DNM3: variants seen among roughly 807,000 people sequenced by gnomAD.
DNM3 encodes the protein dynamin 3, also known as dynamin-3.
Under a neutral mutation model 101.6 loss-of-function variants are expected in DNM3, and 47 were observed. The observed-to-expected ratio is 0.46, with a 90% CI of 0.37 to 0.59. The LOEUF (loss-of-function observed/expected upper bound fraction) is 0.59, where lower values mean the gene tolerates loss of function less well. Among genes scored for constraint, DNM3 ranks in the 20% least tolerant of loss-of-function variants. DNM3 has a pLI of 0.00. For synonymous variants in DNM3, 385 were observed against 387.9 expected, an observed-to-expected ratio of 0.99 and a Z score of 0.09; for missense variants, 849 against 1,085.7, an observed-to-expected ratio of 0.78 and a Z score of 3.06.
chr1:172,192,429 G>T (rs1182482713), intron 14 of DNM3, among the ~76,000 whole-genome samples: 2 of 150,330 alleles, frequency 1.3e-5, no homozygotes, highest in Non-Finnish European at 3.0e-5. Flanking sequence ...ACATTGTGCA[G>T]GTTAGTTACA....
At chr1:172,349,748 A>G (rs1270649952) in intron 17 of DNM3, among the ~76,000 whole-genome samples, 1 of 152,166 alleles carries the variant, frequency 6.6e-6, no homozygotes, top group East Asian at 1.9e-4. Context: ...CTAAGCTTCT[A>G]AAGAATCCAC....
intron 10 of DNM3, among the ~76,000 whole-genome samples, chr1:172,053,284 C>A (rs1324917114): frequency 2.6e-5 from 4 of 151,972 alleles, no homozygotes; most frequent in Non-Finnish European, 5.9e-5. Flanking sequence ...TTCCTTTTGT[C>A]TAGAATGTCT....
intron 1 of DNM3, among the ~76,000 whole-genome samples, chr1:171,856,378 T>A (rs576461411): frequency 1.3e-5 from 2 of 152,262 alleles, no homozygotes; most frequent in South Asian, 4.1e-4. Context: ...TCCATTTGAA[T>A]TTTAAAATAG....
At chr1:172,010,621 T>A (rs1376623051) in intron 4 of DNM3, among the ~76,000 whole-genome samples, 6 of 142,364 alleles carry the variant, frequency 4.2e-5, no homozygotes, top group African/African-American at 1.6e-4. Flanking sequence ...CTATTTTTTT[T>A]TTTTTTTTTT....
chr1:171,962,318 A>G (rs2043270780), intron 2 of DNM3, among the ~76,000 whole-genome samples: 1 of 152,204 alleles, frequency 6.6e-6, no homozygotes, highest in Non-Finnish European at 1.5e-5. Flanking sequence ...TTCCACCTAT[A>G]TGAAATACTG....
intron 15 of DNM3, among the ~76,000 whole-genome samples, chr1:172,262,766 C>T (rs761014574): frequency 1.3e-5 from 2 of 152,174 alleles, no homozygotes; most frequent in African/African-American, 2.4e-5. Context: ...TGTATTTGAA[C>T]AGGCCATGAT....
At position 172,064,833 on chromosome 1, in the gene DNM3, T is replaced by G. The variant is rs115557974; in HGVS notation, c.1336-3986T>G. Among the ~76,000 whole-genome samples, 1,053 of 152,312 alleles carry G rather than the reference T, an allele frequency of 6.9e-3. 20 individuals are homozygous for G. Among genetic ancestry groups the G allele is most frequent in the African/African-American group, 0.024 (991 of 41,578 alleles). ...TAGATCCTACATTGCTTAGTGTCTC[T>G]TCAAGGTTTTTCCTCCTTTGTCTCC... is the stretch of plus-strand genomic sequence containing the variant. On this transcript the variant is annotated intron_variant, in intron 10 of 20. Transcript: ENST00000627582.
chr1:172,106,179 G>A (rs1019626856), intron 13 of DNM3, among the ~76,000 whole-genome samples: 3 of 152,080 alleles, frequency 2.0e-5, no homozygotes, highest in African/African-American at 7.2e-5. Flanking sequence ...CCATCACTTT[G>A]GGAGGCCAAG....
chr1:171,948,113 T>C (rs2125442206), intron 2 of DNM3, among the ~76,000 whole-genome samples: 1 of 152,362 alleles, frequency 6.6e-6, no homozygotes, highest in South Asian at 2.1e-4. Context: ...AAATTATTTC[T>C]GTTCTTTAAA....
intron 14 of DNM3, among the ~76,000 whole-genome samples, chr1:172,173,428 CAT>C (rs1309957479): frequency 6.6e-6 from 1 of 151,064 alleles, no homozygotes; most frequent in East Asian, 2.0e-4. Context: ...GATTTACACA[CAT>C]ATAAGTCATT....
intron 11 of DNM3, among the ~76,000 whole-genome samples, chr1:172,071,590 A>G (rs141735692): frequency 0.01 from 1,523 of 152,278 alleles, 15 homozygotes; most frequent in Middle Eastern, 0.044. Context: ...TTCTTTAAAA[A>G]GTAGAGTTAC....
chr1:172,108,098 G>A lies in DNM3; in HGVS notation c.1545+15223G>A, dbSNP rs151307983. Among the ~76,000 whole-genome samples the A allele has an allele frequency of 1.7e-3, 253 of 152,062 alleles. 1 individual carries two copies. Among genetic ancestry groups the A allele is most frequent in the Non-Finnish European group, 2.3e-3 (155 of 67,972 alleles). ...GTACCTAAATGCCAGGGCATATCAG[G>A]ACATTTTATCATAAATTTTAAAATT... On this transcript the variant is annotated intron_variant, in intron 13 of 20. Coordinates refer to ENST00000627582, the MANE Select transcript of DNM3 (RefSeq NM_015569.5).
intron 14 of DNM3, among the ~76,000 whole-genome samples, chr1:172,145,320 GTCTGTC>G (rs1448911242): frequency 5.3e-4 from 79 of 149,066 alleles, no homozygotes; most frequent in African/African-American, 1.8e-3. Flanking sequence ...CTGTCTGTCT[GTCTGTC>G]TCTCTCTCTC....
At chr1:172,154,634 C>T (rs1306775772) in intron 14 of DNM3, among the ~76,000 whole-genome samples, 2 of 152,014 alleles carry the variant, frequency 1.3e-5, no homozygotes, top group East Asian at 1.9e-4. Flanking sequence ...GATCCCACCC[C>T]GTAAATGTAT....
chr1:171,911,795 C>T (rs1329507159), intron 1 of DNM3, among the ~76,000 whole-genome samples: 1 of 152,136 alleles, frequency 6.6e-6, no homozygotes, highest in Admixed American at 6.5e-5. Flanking sequence ...CTGCCCTGGT[C>T]AGCGGGTAAG....
chr1:171,912,063 C>T (rs1416409270), intron 1 of DNM3, among the ~76,000 whole-genome samples: 1 of 152,146 alleles, frequency 6.6e-6, no homozygotes, highest in Admixed American at 6.5e-5. Flanking sequence ...TGCAGCAAAA[C>T]CCAGCTCAGT....
chr1:172,177,411 A>T (rs2059192320), intron 14 of DNM3, among the ~76,000 whole-genome samples: 1 of 151,858 alleles, frequency 6.6e-6, no homozygotes, highest in Non-Finnish European at 1.5e-5. Context: ...TATGGGAAAA[A>T]AGACATGGTA....
chr1:172,252,637 G>A (rs1354408914), intron 14 of DNM3, among the ~76,000 whole-genome samples: 4 of 152,212 alleles, frequency 2.6e-5, no homozygotes, highest in Non-Finnish European at 4.4e-5. Flanking sequence ...CAAGGGCAGC[G>A]CTTGTTATAC....
rs778071141 is a variant in DNM3, at chr1:171,987,763, A to G, written c.343A>G (p.Ile115Val). ...TCGCGTGACTGGAATGAATAAAGGCATTTCCTCCATACCCATTAATTTACG... is the reference window on the plus strand; with the variant it reads ...TCGCGTGACTGGAATGAATAAAGGCGTTTCCTCCATACCCATTAATTTACG... ...TDRVTGMNKG[I>V]SSIPINLRVY... Residue 115 changes from isoleucine to valine, a missense_variant, in exon 3 of 21, where the codon ATT becomes GTT. Transcript: ENST00000627582. 28 of 1,600,774 alleles carry G rather than the reference A, an allele frequency of 1.7e-5. 1 individual carries two copies. Among genetic ancestry groups the G allele is most frequent in the Non-Finnish European group, 2.0e-5 (23 of 1,175,620 alleles).
Sources: allele counts gnomAD v4.1 joint callset (sites outside exome capture counted in the v4.1 genomes callset), GRCh38; gene constraint gnomAD v4.1.1; transcripts MANE v1.5; gene names NCBI Gene and HGNC (gene_info 2026-07-23, HGNC 2026-07-21).